Variants in ANKS1B observed in about 807,000 individuals in gnomAD.
ANKS1B encodes ankyrin repeat and sterile alpha motif domain-containing protein 1B.
In ANKS1B, 36 loss-of-function variants were observed where a neutral mutation model predicts 148.3. The ratio of observed to expected loss-of-function variants is 0.24; its 90% CI spans 0.19 to 0.32. The LOEUF is 0.32. Ranked by LOEUF, ANKS1B falls within the 10% of genes least tolerant of loss-of-function variation. The pLI is 1.00. For missense variants in ANKS1B, 1,157 were observed against 1,542.6 expected, an observed-to-expected ratio of 0.75 and a Z score of 4.19; for synonymous variants, 542 against 560.8, an observed-to-expected ratio of 0.97 and a Z score of 0.47.
At chr12:99,264,929 G>A (rs977063113) in intron 12 of ANKS1B, among the ~76,000 whole-genome samples, 4 of 152,072 alleles carry the variant, frequency 2.6e-5, no homozygotes, top group Admixed American at 6.5e-5. Flanking sequence ...CATGTTCACC[G>A]CAGTTTTACT....
intron 1 of ANKS1B, among the ~76,000 whole-genome samples, chr12:99,849,381 G>A (rs898342524): frequency 1.4e-4 from 21 of 152,172 alleles, no homozygotes; most frequent in African/African-American, 5.1e-4. Flanking sequence ...CAGAATGACT[G>A]AAATCAAAGA....
chr12:99,627,477 G>A (rs1176023370), intron 9 of ANKS1B, among the ~76,000 whole-genome samples: 2 of 152,160 alleles, frequency 1.3e-5, no homozygotes, highest in African/African-American at 2.4e-5. Flanking sequence ...GAAATGGAGG[G>A]CGATTCAGAG....
chr12:99,703,401 T>C (rs2055189696), intron 8 of ANKS1B, among the ~76,000 whole-genome samples: 2 of 152,182 alleles, frequency 1.3e-5, no homozygotes, highest in South Asian at 2.1e-4. Context: ...CTGAATTAAC[T>C]AACTGGCATC....
intron 17 of ANKS1B, among the ~76,000 whole-genome samples, chr12:99,042,581 G>A (rs2099959794): frequency 6.6e-6 from 1 of 152,174 alleles, no homozygotes; most frequent in Admixed American, 6.5e-5. Flanking sequence ...CCATAGCATT[G>A]TTGAGGCAAT....
At chr12:98,783,130 T>C (rs1461149224) in intron 22 of ANKS1B, among the ~76,000 whole-genome samples, 2 of 152,270 alleles carry the variant, frequency 1.3e-5, no homozygotes, top group Non-Finnish European at 2.9e-5. Context: ...TGGACAGATC[T>C]ATCTGTAATG....
chr12:99,658,961 A>G (rs1429390401), intron 8 of ANKS1B, among the ~76,000 whole-genome samples: 1 of 152,188 alleles, frequency 6.6e-6, no homozygotes, highest in African/African-American at 2.4e-5. Flanking sequence ...GAAACAATAA[A>G]TATTTATTGA....
Position 99,375,676 on chromosome 12 carries a change from TA to T in ANKS1B, c.1756+23954del, listed in dbSNP as rs34028224. On this transcript the variant is annotated intron_variant, in intron 12 of 26. Transcript: ENST00000683438. ...AATGAACTAAAACTCTAAGACATGT[TA>T]AAAAAAAAACCCTAAATACAATAAT... 3.3e-4 allele frequency among the ~76,000 whole-genome samples: 49 copies of T among 148,782 alleles called. No individual in the cohort carries two copies. In the East Asian group the frequency reaches 3.9e-3, roughly 12 times the overall value.
chr12:99,038,991 A>T (rs1273414093), intron 17 of ANKS1B, among the ~76,000 whole-genome samples: 1 of 152,242 alleles, frequency 6.6e-6, no homozygotes, highest in Admixed American at 6.5e-5. Context: ...GTCCAGCTCT[A>T]GAATGTAAGT....
chr12:99,136,247 A>C (rs1600761297), intron 15 of ANKS1B, among the ~76,000 whole-genome samples: 2 of 152,080 alleles, frequency 1.3e-5, no homozygotes, highest in Non-Finnish European at 2.9e-5. Flanking sequence ...ACGGCTTCCC[A>C]CACCCCACGA....
At chr12:99,663,919 T>C (rs1478157800) in intron 8 of ANKS1B, among the ~76,000 whole-genome samples, 1 of 152,166 alleles carries the variant, frequency 6.6e-6, no homozygotes, top group East Asian at 1.9e-4. Context: ...TTGCATAACA[T>C]CAGGAAACTT....
chr12:99,436,426 T>C (rs1184623687), intron 11 of ANKS1B, among the ~76,000 whole-genome samples: 11 of 152,070 alleles, frequency 7.2e-5, no homozygotes, highest in Admixed American at 7.2e-4. Context: ...ATAATAAAAA[T>C]ATTTTTAAAG....
intron 17 of ANKS1B, among the ~76,000 whole-genome samples, chr12:98,899,205 G>GT (rs1239247431): frequency 7.2e-5 from 11 of 152,126 alleles, no homozygotes; most frequent in Admixed American, 6.5e-4. Context: ...TAACTTAATT[G>GT]TTTTGTGATC....
intron 12 of ANKS1B, among the ~76,000 whole-genome samples, chr12:99,284,579 C>A (rs1054360578): frequency 6.6e-6 from 1 of 152,196 alleles, no homozygotes; most frequent in Non-Finnish European, 1.5e-5. Context: ...CCACCTTAGT[C>A]CAAACCAGTG....
At chr12:99,161,078 T>C (rs1000251195) in intron 14 of ANKS1B, among the ~76,000 whole-genome samples, 2 of 152,362 alleles carry the variant, frequency 1.3e-5, no homozygotes, top group South Asian at 2.1e-4. Flanking sequence ...GTGAAAATGG[T>C]AGTTTGATAG....
At chr12:99,764,518 G>A (rs2062461556) in intron 8 of ANKS1B, among the ~76,000 whole-genome samples, 1 of 152,120 alleles carries the variant, frequency 6.6e-6, no homozygotes. Flanking sequence ...CACCTCCCGG[G>A]TTCAAGTGAT....
chr12:99,560,733 T>C (rs1241751781), intron 9 of ANKS1B, among the ~76,000 whole-genome samples: 1 of 152,188 alleles, frequency 6.6e-6, no homozygotes, highest in Non-Finnish European at 1.5e-5. Context: ...CAATTAGTTA[T>C]AATCTTTTTG....
chr12:99,902,499 T>A (rs1159943271), intron 1 of ANKS1B, among the ~76,000 whole-genome samples: 1 of 152,158 alleles, frequency 6.6e-6, no homozygotes, highest in Non-Finnish European at 1.5e-5. Context: ...AGCTTTGTGT[T>A]TTTAAAATGT....
chr12:99,961,037 G>A (rs1001805760), intron 1 of ANKS1B, among the ~76,000 whole-genome samples: 4 of 152,232 alleles, frequency 2.6e-5, no homozygotes, highest in East Asian at 1.9e-4. Context: ...AGACCAGCCC[G>A]GCCAACATGG....
In ANKS1B at chr12:99,154,389, C is replaced by G; in HGVS notation, c.2426G>C (p.Arg809Thr). 6.2e-7 allele frequency: 1 copy of G among 1,613,718 alleles called. No homozygotes were observed. Among genetic ancestry groups the G allele is most frequent in the Non-Finnish European group, 8.5e-7 (1 of 1,179,756 alleles). ...KEMNGETTRP[R>T]CPVQTVGQWL... Reference sequence around the variant, plus strand: ...TTGTCCCACTGTTTGGACAGGGCATCTGGGTCCTGTAAGAGGATGAAGAGG... The same window carrying G: ...TTGTCCCACTGTTTGGACAGGGCATGTGGGTCCTGTAAGAGGATGAAGAGG... Residue 809 changes from arginine (R) to threonine (T), a missense_variant, in exon 15 of 27, where the codon AGA (arginine) becomes ACA (threonine). Around this residue, in one of 6 missense-constraint regions of ANKS1B, gnomAD observed 661 missense variants for 642.1 expected, o/e 1.03. Coordinates refer to ENST00000683438, the MANE Select transcript of ANKS1B (RefSeq NM_001352186.2).
Sources: allele counts gnomAD v4.1 joint callset (sites outside exome capture counted in the v4.1 genomes callset), GRCh38; gene constraint gnomAD v4.1.1; regional missense constraint gnomAD v4.1.1; transcripts MANE v1.5; gene names NCBI Gene and HGNC (gene_info 2026-07-23, HGNC 2026-07-21).